ANKRD55: variants seen among roughly 807,000 people sequenced by gnomAD.
The protein encoded by ANKRD55 is ankyrin repeat domain 55.
Under a neutral mutation model 60.6 loss-of-function variants are expected in ANKRD55, and 41 were observed. The ratio of observed to expected loss-of-function variants is 0.68; its 90% CI spans 0.53 to 0.88. ANKRD55 has a LOEUF of 0.88. Ranked by LOEUF, ANKRD55 falls within the 40% of genes least tolerant of loss-of-function variation. The probability of loss-of-function intolerance (pLI) is 0.00; values close to 1 mark genes in which losing one functional copy is unlikely to be tolerated. For missense variants in ANKRD55, 732 were observed against 767.6 expected (o/e 0.95, Z 0.55); for synonymous variants, 264 against 290.3 (o/e 0.91, Z 0.92).
At chr5:56,161,329 G>A (rs904189424) in intron 5 of ANKRD55, among the ~76,000 whole-genome samples, 1 of 152,198 alleles carries the variant, frequency 6.6e-6, no homozygotes, top group African/African-American at 2.4e-5. Context: ...TCATCAAGAT[G>A]ATAAAGAATA....
intron 5 of ANKRD55, among the ~76,000 whole-genome samples, chr5:56,166,119 T>TTTCTTTC (rs1758456566): frequency 1.7e-5 from 1 of 57,606 alleles, no homozygotes; most frequent in Non-Finnish European, 3.7e-5. Flanking sequence ...TCTTTCTTTC[T>TTTCTTTC]TTCTTTCTTT....
At chr5:56,160,287 C>G (rs887845628) in intron 5 of ANKRD55, among the ~76,000 whole-genome samples, 2 of 152,162 alleles carry the variant, frequency 1.3e-5, no homozygotes, top group Non-Finnish European at 2.9e-5. Flanking sequence ...TGCCCAGGCT[C>G]GAGTGCAGTG....
chr5:56,143,118 G>C (rs1358184109), intron 7 of ANKRD55, among the ~76,000 whole-genome samples: 1 of 152,164 alleles, frequency 6.6e-6, no homozygotes, highest in Non-Finnish European at 1.5e-5. Flanking sequence ...AATCAACTGT[G>C]GGGGTGTCTG....
intron 7 of ANKRD55, among the ~76,000 whole-genome samples, chr5:56,135,376 T>C (rs540929721): frequency 4.1e-5 from 6 of 146,806 alleles, no homozygotes; most frequent in African/African-American, 1.0e-4. Context: ...TCCTTCTTTC[T>C]TTCTTTCTTT....
rs34289990 is a variant in ANKRD55, at chr5:56,132,424, C to CAAAAAAAAA, written c.613-5327_613-5319dup. 1.4e-3 allele frequency among the ~76,000 whole-genome samples: 166 copies of CAAAAAAAAA among 120,338 alleles called. 3 individuals carry two copies. Among genetic ancestry groups the CAAAAAAAAA allele is most frequent in the African/African-American group, 5.9e-3 (163 of 27,504 alleles). 78.9% of individuals were successfully genotyped at this position (120,338 alleles called of 152,430 possible). ...TGAAACCCTGTCTCTACTTAAAATA[C>CAAAAAAAAA]AAAAAAAAAAAAAAAAATTAGCTGG... On this transcript the variant is annotated intron_variant, in intron 7 of 11. Transcript: ENST00000341048.
At chr5:56,137,151 C>A in intron 7 of ANKRD55, 1 of 1,431,138 alleles carries the variant, frequency 7.0e-7, no homozygotes, top group Non-Finnish European at 9.8e-7. Context: ...ACAGTGTGTA[C>A]CATTGTGACG....
intron 2 of ANKRD55, among the ~76,000 whole-genome samples, chr5:56,224,117 C>G (rs1358492146): frequency 6.6e-6 from 1 of 152,148 alleles, no homozygotes; most frequent in Non-Finnish European, 1.5e-5. Context: ...TGTAAAAGAA[C>G]AGAAATTATA....
chr5:56,100,169 C>A lies in ANKRD55; in HGVS notation c.*14G>T, dbSNP rs201196034. 1 of 1,614,054 alleles carries A rather than the reference C, an allele frequency of 6.2e-7. No homozygotes were observed. The highest frequency in any genetic ancestry group is 8.5e-7 in the Non-Finnish European group (1 of 1,179,984). ...TACATATTCATCTACATTTCTGCAG[C>A]GAGTGGCCCACAGTTAATTTTCATC... On this transcript the variant is annotated 3_prime_UTR_variant, in exon 12 of 12. Coordinates refer to ENST00000341048, the MANE Select transcript of ANKRD55 (RefSeq NM_024669.3).
chr5:56,186,157 C>A (rs1335644882), intron 2 of ANKRD55, among the ~76,000 whole-genome samples: 1 of 151,990 alleles, frequency 6.6e-6, no homozygotes, highest in Non-Finnish European at 1.5e-5. Flanking sequence ...CCTTAGTTTC[C>A]TTGTTTTTGT....
chr5:56,159,833 C>T lies in ANKRD55; in HGVS notation c.483G>A (p.Glu161=). The T allele has an allele frequency of 6.2e-7, 1 of 1,613,770 alleles. No homozygotes were observed. Among genetic ancestry groups the T allele is most frequent in the Non-Finnish European group, 8.5e-7 (1 of 1,179,794 alleles). Residue 161 remains glutamate (E), a splice_region_variant and synonymous_variant, in exon 6 of 12, where the codon GAG becomes GAA. Transcript: ENST00000341048. ...CTTGTTGCTTGAGAGTGTGGCTCAC[C>T]TCATTGTCCTGGTGATTAATCTCGC... ...NISEINHQDN[E]GMTPLHWAAF...
intron 6 of ANKRD55, among the ~76,000 whole-genome samples, chr5:56,145,360 GA>G (rs1757872127): frequency 6.6e-6 from 1 of 152,124 alleles, no homozygotes. Context: ...GCCTGGGCTA[GA>G]AAAAAAGCCC....
At position 56,116,700 on chromosome 5, in the gene ANKRD55, G is replaced by T. The variant is rs749372592; in HGVS notation, c.880C>A (p.Arg294=). The change falls in exon 9 of 12, where the codon CGG becomes AGG. Residue 294 remains arginine, a synonymous_variant. Transcript: ENST00000341048. ...LLELGMDSNL[R]DINESTPLAY... ...AAGGGCGTGCTCTCATTGATGTCCC[G>T]CAGGTTGCTGTCCATTCCCAACTCC... 2.5e-6 allele frequency: 4 copies of T among 1,613,810 alleles called. No homozygotes were observed. The highest frequency in any genetic ancestry group is 2.7e-5 in the African/African-American group (2 of 74,922).
intron 2 of ANKRD55, among the ~76,000 whole-genome samples, chr5:56,188,672 C>T (rs1054891205): frequency 1.3e-5 from 2 of 152,166 alleles, no homozygotes; most frequent in Non-Finnish European, 2.9e-5. Flanking sequence ...TTCCATTGGT[C>T]TACGTGGCTG....
intron 5 of ANKRD55, among the ~76,000 whole-genome samples, chr5:56,165,633 T>A (rs756158897): frequency 6.6e-6 from 1 of 152,140 alleles, no homozygotes; most frequent in Admixed American, 6.6e-5. Context: ...ATAATATATT[T>A]AATAGTACTT....
At position 56,133,438 on chromosome 5, in the gene ANKRD55, C is replaced by A. The variant is rs867324533; in HGVS notation, c.613-6332G>T. On this transcript the variant is annotated intron_variant, in intron 7 of 11. Transcript: ENST00000341048. ...TGGGTGACAGAGGAAGACTCCGTCT[C>A]AAAAAAAAAAAAAAACAATTAATTA... Among the ~76,000 whole-genome samples, 569 of 59,298 alleles carry A rather than the reference C, an allele frequency of 9.6e-3. 1 individual carries two copies. The highest frequency in any genetic ancestry group is 0.013 in the Middle Eastern group (1 of 80). 38.9% of individuals were successfully genotyped at this position (59,298 alleles called of 152,430 possible).
chr5:56,209,209 G>C (rs373409919), intron 2 of ANKRD55, among the ~76,000 whole-genome samples: 10 of 151,926 alleles, frequency 6.6e-5, no homozygotes, highest in African/African-American at 2.2e-4. Flanking sequence ...TACCCCCCTC[G>C]GCCTCCCAAA....
chr5:56,102,592 G>A lies in ANKRD55; in HGVS notation c.1631-6C>T. 6.2e-7 allele frequency: 1 copy of A among 1,606,648 alleles called. No individual in the cohort carries two copies. The highest frequency in any genetic ancestry group is 8.5e-7 in the Non-Finnish European group (1 of 1,173,976). On this transcript the variant is annotated splice_polypyrimidine_tract_variant and splice_region_variant and intron_variant, in intron 10 of 11. Coordinates refer to ENST00000341048, the MANE Select transcript of ANKRD55 (RefSeq NM_024669.3). ...AAGATGCTGAAAATTTTGTCCTGAA[G>A]ATAAACATATTTGCATCAATTACTT...
intron 2 of ANKRD55, among the ~76,000 whole-genome samples, chr5:56,186,711 A>G (rs766759010): frequency 1.3e-5 from 2 of 152,244 alleles, no homozygotes; most frequent in African/African-American, 2.4e-5. Flanking sequence ...ATGATTAGAC[A>G]AAAAGTCCAT....
chr5:56,164,501 G>A (rs769797216), intron 5 of ANKRD55, among the ~76,000 whole-genome samples: 1 of 152,168 alleles, frequency 6.6e-6, no homozygotes, highest in Non-Finnish European at 1.5e-5. Context: ...GATGAAAAGA[G>A]GCAGAGTGGC....
Sources: allele counts gnomAD v4.1 joint callset (sites outside exome capture counted in the v4.1 genomes callset), GRCh38; gene constraint gnomAD v4.1.1; transcripts MANE v1.5; gene names NCBI Gene and HGNC (gene_info 2026-07-23, HGNC 2026-07-21).